The following KCTD8 variants were observed in gnomAD, a reference collection of about 807,000 sequenced individuals.
KCTD8 encodes potassium channel tetramerization domain containing 8.
In KCTD8, 27 loss-of-function variants were observed where a neutral mutation model predicts 31.5. The ratio of observed to expected loss-of-function variants is 0.86; its 90% CI spans 0.63 to 1.18. The LOEUF (loss-of-function observed/expected upper bound fraction) is 1.18, where lower values mean the gene tolerates loss of function less well. KCTD8 is among the 50% of genes most tolerant of loss of function. The pLI is 0.00. For missense variants in KCTD8, 658 were observed against 647.7 expected, an observed-to-expected ratio of 1.02 and a Z score of -0.17; for synonymous variants, 290 against 280.0, an observed-to-expected ratio of 1.04 and a Z score of -0.36.
chr4:44,199,348 A>G (rs1272729064), intron 1 of KCTD8, among the ~76,000 whole-genome samples: 2 of 152,210 alleles, frequency 1.3e-5, no homozygotes, highest in South Asian at 2.1e-4. Flanking sequence ...ACCACAGAAT[A>G]TATATTCTTC....
intron 1 of KCTD8, among the ~76,000 whole-genome samples, chr4:44,383,144 A>G (rs982867123): frequency 6.6e-6 from 1 of 151,950 alleles, no homozygotes; most frequent in South Asian, 2.1e-4. Context: ...AAAAACCTAT[A>G]AAACGCTGAT....
intron 1 of KCTD8, among the ~76,000 whole-genome samples, chr4:44,215,438 C>T (rs576563110): frequency 1.4e-3 from 217 of 152,166 alleles, no homozygotes; most frequent in South Asian, 0.011. Flanking sequence ...TCTTAGTTGA[C>T]CTCAGGATTG....
intron 1 of KCTD8, among the ~76,000 whole-genome samples, chr4:44,420,580 T>C (rs73247555): frequency 0.14 from 20,923 of 152,076 alleles, 1,888 homozygotes; most frequent in Non-Finnish European, 0.2. Context: ...ATTTGAACCC[T>C]TGAGGTAGAT....
At chr4:44,300,021 A>T (rs1717562391) in intron 1 of KCTD8, among the ~76,000 whole-genome samples, 1 of 151,990 alleles carries the variant, frequency 6.6e-6, no homozygotes, top group South Asian at 2.1e-4. Flanking sequence ...AAGTGCTGGG[A>T]TTACAGCTGT....
intron 1 of KCTD8, among the ~76,000 whole-genome samples, chr4:44,274,323 A>G (rs1716689413): frequency 6.6e-6 from 1 of 151,914 alleles, no homozygotes; most frequent in Admixed American, 6.6e-5. Flanking sequence ...GTTTAAAGGT[A>G]ATCAACTTAA....
At chr4:44,378,374 G>A (rs141045312) in intron 1 of KCTD8, among the ~76,000 whole-genome samples, 6,863 of 150,942 alleles carry the variant, frequency 0.045, 198 homozygotes, top group Non-Finnish European at 0.07. Context: ...ACAAATTAAT[G>A]GGTGCAGCAC....
chr4:44,442,082 G>T (rs1440145533), intron 1 of KCTD8, among the ~76,000 whole-genome samples: 3 of 151,906 alleles, frequency 2.0e-5, no homozygotes, highest in African/African-American at 7.3e-5. Flanking sequence ...TTAAAAATAT[G>T]TCTTTTTATC....
Position 44,304,345 on chromosome 4 carries a change from A to G in KCTD8, c.962-129095T>C, listed in dbSNP as rs547934634. ...ATGAAAAAAATGCAATAAGGAGAAT[A>G]GTCAGAATTGAGGTAAAGTAGATGG... On this transcript the variant is annotated intron_variant, in intron 1 of 1. Transcript: ENST00000360029. Among the ~76,000 whole-genome samples the G allele has an allele frequency of 2.0e-5, 3 of 152,318 alleles. No individual in the cohort carries two copies. In the South Asian group the frequency reaches 6.2e-4, roughly 32 times the overall value.
At chr4:44,379,984 T>G (rs1223233377) in intron 1 of KCTD8, among the ~76,000 whole-genome samples, 2 of 152,048 alleles carry the variant, frequency 1.3e-5, no homozygotes, top group East Asian at 1.9e-4. Context: ...GCCTTGTACA[T>G]CAACACTGAA....
intron 1 of KCTD8, among the ~76,000 whole-genome samples, chr4:44,403,446 G>T (rs1720713418): frequency 7.0e-6 from 1 of 143,380 alleles, no homozygotes; most frequent in Non-Finnish European, 1.5e-5. Context: ...AAAAAAAACA[G>T]ATTAAGTGGC....
intron 1 of KCTD8, among the ~76,000 whole-genome samples, chr4:44,286,293 T>G (rs1717065669): frequency 6.6e-6 from 1 of 152,248 alleles, no homozygotes; most frequent in African/African-American, 2.4e-5. Context: ...AAATTCAGTA[T>G]CTCTGAAAAT....
At chr4:44,299,959 G>A (rs1309138454) in intron 1 of KCTD8, among the ~76,000 whole-genome samples, 7 of 151,730 alleles carry the variant, frequency 4.6e-5, no homozygotes, top group African/African-American at 1.5e-4. Flanking sequence ...CGCTGTGTTA[G>A]CCAGGATGGT....
Position 44,336,910 on chromosome 4 carries a change from C to G in KCTD8, c.961+110653G>C, listed in dbSNP as rs1344659939. ...AAAATGAAACTGCCATATAACAAAT[C>G]TCTAAACGAGAGAAGTCTGTTTAGT... On this transcript the variant is annotated intron_variant, in intron 1 of 1. Coordinates refer to ENST00000360029, the MANE Select transcript of KCTD8 (RefSeq NM_198353.3). 7.7e-3 allele frequency among the ~76,000 whole-genome samples: 1,167 copies of G among 152,036 alleles called. 12 individuals carry two copies. Among genetic ancestry groups the G allele is most frequent in the African/African-American group, 0.027 (1,114 of 41,482 alleles).
intron 1 of KCTD8, among the ~76,000 whole-genome samples, chr4:44,342,366 C>CAAAAAAAA (rs34201696): frequency 1.1e-5 from 1 of 87,524 alleles, no homozygotes; most frequent in African/African-American, 4.4e-5. Context: ...AAGACTGTCT[C>CAAAAAAAA]AAAAAAAAAA....
chr4:44,394,919 A>G (rs1720460158), intron 1 of KCTD8, among the ~76,000 whole-genome samples: 2 of 152,076 alleles, frequency 1.3e-5, no homozygotes, highest in Admixed American at 1.3e-4. Context: ...AGAGGCCTTA[A>G]CTCTGTGATT....
intron 1 of KCTD8, among the ~76,000 whole-genome samples, chr4:44,347,376 A>G (rs1719061681): frequency 2.6e-5 from 4 of 152,192 alleles, no homozygotes; most frequent in Admixed American, 2.6e-4. Flanking sequence ...CATGATGGCA[A>G]GTGACTCAGC....
intron 1 of KCTD8, among the ~76,000 whole-genome samples, chr4:44,244,715 G>A (rs1422065059): frequency 1.3e-5 from 2 of 152,034 alleles, no homozygotes; most frequent in African/African-American, 2.4e-5. Flanking sequence ...CCATACCCAG[G>A]AGGAAAAGAT....
chr4:44,287,292 T>C (rs547237975), intron 1 of KCTD8, among the ~76,000 whole-genome samples: 3 of 152,244 alleles, frequency 2.0e-5, no homozygotes, highest in African/African-American at 7.2e-5. Flanking sequence ...ATTTGATAAC[T>C]TAGGAATTAT....
In KCTD8 at chr4:44,303,012, G is replaced by A. The variant is rs538814827; in HGVS notation, c.962-127762C>T. ...TTGTCTTTGGTTCTGTTTATATGCT[G>A]GATTACATTTATTTATTTGTGCATA... On this transcript the variant is annotated intron_variant, in intron 1 of 1. Coordinates refer to ENST00000360029, the MANE Select transcript of KCTD8 (RefSeq NM_198353.3). Among the ~76,000 whole-genome samples, 962 of 152,200 alleles carry A rather than the reference G, an allele frequency of 6.3e-3. 14 individuals are homozygous for A. Among genetic ancestry groups the A allele is most frequent in the African/African-American group, 0.022 (920 of 41,500 alleles).
Sources: gnomAD v4.1 joint callset for allele counts (sites outside exome capture counted in the v4.1 genomes callset) on GRCh38, gnomAD v4.1.1 for gene constraint, MANE v1.5 for transcripts, NCBI Gene and HGNC (gene_info 2026-07-23, HGNC 2026-07-21) for gene names.